Variants in NOXA1 observed in about 807,000 individuals in gnomAD.
NOXA1 encodes NADPH oxidase activator 1.
A neutral mutation model predicts 64.8 loss-of-function variants in NOXA1; 56 were observed. That is an observed-to-expected ratio of 0.86 (90% CI 0.70 to 1.08). The LOEUF (loss-of-function observed/expected upper bound fraction) is 1.08, where lower values mean the gene tolerates loss of function less well. Among genes scored for constraint, NOXA1 ranks in the 50% least tolerant of loss-of-function variants. The probability of loss-of-function intolerance (pLI) is 0.00; values close to 1 mark genes in which losing one functional copy is unlikely to be tolerated. For synonymous variants in NOXA1, 295 were observed against 294.8 expected (o/e 1.00, Z -0.01); for missense variants, 668 against 658.5 (o/e 1.01, Z -0.16).
In NOXA1 at chr9:137,428,150, G is replaced by C; in HGVS notation, c.369+9G>C. ...AGCTGCAAGCCTGGGAGGTGAGGCC[G>C]GGCAGGGCTCACTGTGCTGCTGGCT... is the stretch of plus-strand genomic sequence containing the variant. On this transcript the variant is annotated intron_variant, in intron 3 of 13. Transcript: ENST00000683555. The C allele has an allele frequency of 6.5e-7, 1 of 1,542,088 alleles. No individual in the cohort carries two copies. The highest frequency in any genetic ancestry group is 8.8e-7 in the Non-Finnish European group (1 of 1,137,812).
At position 137,423,545 on chromosome 9, in the gene NOXA1, G is replaced by A. The variant is rs914577058; in HGVS notation, c.16G>A (p.Asp6Asn). Reference sequence around the variant, plus strand: ...ACCGGCCGCCATGGCCTCTCTGGGGGACCTGGTGCGCGCCTGGCACCTGGG... The same window carrying A: ...ACCGGCCGCCATGGCCTCTCTGGGGAACCTGGTGCGCGCCTGGCACCTGGG... Reference protein sequence around the residue: MASLGDLVRAWHLGAQ... With the variant: MASLGNLVRAWHLGAQ... Residue 6 changes from aspartate (D) to asparagine (N), a missense_variant, in exon 1 of 14, where the codon GAC (aspartate) becomes AAC (asparagine). Asp to Asn is a conservative substitution (Grantham distance 23). Coordinates refer to ENST00000683555, the MANE Select transcript of NOXA1 (RefSeq NM_001256067.2). 1.4e-6 allele frequency: 2 copies of A among 1,436,670 alleles called. No individual in the cohort carries two copies. The highest frequency in any genetic ancestry group is 1.8e-6 in the Non-Finnish European group (2 of 1,092,730). The allele number at this position is 1,436,670 out of a possible 1,614,324, so 89.0% of individuals were successfully genotyped here.
intron 1 of NOXA1, among the ~76,000 whole-genome samples, chr9:137,425,641 T>C (rs1478826434): frequency 6.6e-6 from 1 of 152,194 alleles, no homozygotes; most frequent in East Asian, 1.9e-4. Context: ...CCACCTCAGC[T>C]TCCCAACATG....
rs1839267861 is a variant in NOXA1 at position 137,434,268 on chromosome 9, A to G, written c.1339A>G (p.Ile447Val). Residue 447 changes from isoleucine (I) to valine (V), a missense_variant, in exon 14 of 14, where the codon ATC becomes GTC. Coordinates refer to ENST00000683555, the MANE Select transcript of NOXA1 (RefSeq NM_001256067.2). ...GGGCCACTGTGACGGCCGCATCGGC[A>G]TCTTCCCCAAGTGCTTCGTGGTCCC... is the stretch of plus-strand genomic sequence containing the variant. ...LEGHCDGRIG[I>V]FPKCFVVPAG... 6.2e-7 allele frequency: 1 copy of G among 1,610,806 alleles called. No homozygotes were observed. The highest frequency in any genetic ancestry group is 8.5e-7 in the Non-Finnish European group (1 of 1,179,602).
In NOXA1 at chr9:137,433,255, G is replaced by C. The variant is rs769368591; in HGVS notation, c.901G>C (p.Gly301Arg). ...CCCCGGCCCCTGTGAGGACCCCGCGGGTGCTGGGGTAAGAGGCTCTAGACC... is the reference window on the plus strand; with the variant it reads ...CCCCGGCCCCTGTGAGGACCCCGCGCGTGCTGGGGTAAGAGGCTCTAGACC... Reference protein sequence around the residue: ...PGPGPCEDPAGAGGAGAGGSE... With the variant: ...PGPGPCEDPARAGGAGAGGSE... The change falls in exon 10 of 14, where the codon GGT becomes CGT. Residue 301 changes from glycine (G) to arginine (R), a missense_variant. Gly to Arg is a moderately radical substitution (Grantham distance 125, BLOSUM62 -2). Coordinates refer to ENST00000683555, the MANE Select transcript of NOXA1 (RefSeq NM_001256067.2). 52 of 1,589,690 alleles carry C rather than the reference G, an allele frequency of 3.3e-5. No homozygotes were observed. In the South Asian group the frequency reaches 5.9e-4, roughly 18 times the overall value.
At chr9:137,427,554 A>C (rs1468727237) in intron 2 of NOXA1, among the ~76,000 whole-genome samples, 1 of 152,214 alleles carries the variant, frequency 6.6e-6, no homozygotes, top group Admixed American at 6.5e-5. Context: ...TTTCTGGATT[A>C]CGATCCAGAC....
chr9:137,426,611 A>G (rs1838856267), intron 2 of NOXA1, among the ~76,000 whole-genome samples: 1 of 152,172 alleles, frequency 6.6e-6, no homozygotes, highest in African/African-American at 2.4e-5. Context: ...GGGACTGCAG[A>G]CCAGGCCATG....
intron 3 of NOXA1, among the ~76,000 whole-genome samples, chr9:137,428,462 C>A (rs1022269423): frequency 1.3e-5 from 2 of 151,734 alleles, no homozygotes; most frequent in Admixed American, 1.3e-4. Flanking sequence ...CTGCCTGGAA[C>A]GTGTTGGCAC....
At position 137,428,054 on chromosome 9, in the gene NOXA1, C is replaced by T. The variant is rs780965791; in HGVS notation, c.282C>T (p.Asp94=). 6.3e-7 allele frequency: 1 copy of T among 1,582,160 alleles called. No individual in the cohort carries two copies. Among genetic ancestry groups the T allele is most frequent in the Admixed American group, 1.8e-5 (1 of 55,292 alleles). Residue 94 remains aspartate, a synonymous_variant, in exon 3 of 14, where the codon GAC becomes GAT. Coordinates refer to ENST00000683555, the MANE Select transcript of NOXA1 (RefSeq NM_001256067.2). ...ACAGGTTCCAGGAGGCTCTGTCTGA[C>T]TTCTGGCTGGCCCTGGAGCAGCTGA... ...QLARFQEALS[D]FWLALEQLRG...
Position 137,434,220 on chromosome 9 carries a change from G to T in NOXA1, c.1295-4G>T. The stretch of plus-strand genomic sequence containing the variant: ...CCCTGCAGAGCCCGATGTCCCCCTT[G>T]CAGTGGACCAGGCATGGCTGGAGGG... On this transcript the variant is annotated splice_region_variant and splice_polypyrimidine_tract_variant and intron_variant, in intron 13 of 13. Coordinates refer to ENST00000683555, the MANE Select transcript of NOXA1 (RefSeq NM_001256067.2). 1 of 1,608,176 alleles carries T rather than the reference G, an allele frequency of 6.2e-7. No homozygotes were observed.
chr9:137,433,507 T>C lies in NOXA1; in HGVS notation c.964T>C (p.Phe322Leu). The part of the protein sequence containing the change: ...PLVTVTVQCA[F>L]TVALRARRGA... The stretch of plus-strand genomic sequence containing the variant: ...GGTGACTGTCACCGTGCAGTGCGCC[T>C]TCACAGTGGCCCTGAGGGCACGAAG... The change falls in exon 11 of 14, where the codon TTC (phenylalanine) becomes CTC (leucine). Residue 322 changes from phenylalanine (F) to leucine (L), a missense_variant. By Grantham distance (22) the Phe-to-Leu change is conservative. Transcript: ENST00000683555. The C allele has an allele frequency of 1.2e-6, 2 of 1,603,284 alleles. No individual in the cohort carries two copies. The highest frequency in any genetic ancestry group is 1.7e-6 in the Non-Finnish European group (2 of 1,178,396).
chr9:137,433,706 G>C, intron 11 of NOXA1, 44 bp from the exon 12 acceptor site: 3 of 1,482,180 alleles, frequency 2.0e-6, no homozygotes, highest in Non-Finnish European at 2.7e-6. Context: ...TGCCCTCCCT[G>C]CAGGCCCCAC....
intron 1 of NOXA1, among the ~76,000 whole-genome samples, chr9:137,424,726 C>T (rs7025807): frequency 0.24 from 36,102 of 152,198 alleles, 5,047 homozygotes; most frequent in Non-Finnish European, 0.32. Context: ...ATGTGAGCCA[C>T]CTTGTCCGGC....
chr9:137,428,799 C>T (rs11535664), intron 3 of NOXA1, 83 bp from the exon 4 acceptor site: 381,263 of 1,300,696 alleles, frequency 0.29, 56,936 homozygotes, highest in East Asian at 0.62. Context: ...GTGGGCAGAC[C>T]GAGGGAGGAG....
At chr9:137,424,932 C>T (rs1838784600) in intron 1 of NOXA1, among the ~76,000 whole-genome samples, 1 of 152,302 alleles carries the variant, frequency 6.6e-6, no homozygotes, top group South Asian at 2.1e-4. Flanking sequence ...AATATGGGAA[C>T]TTAGGAAAGC....
chr9:137,433,027 AGAGGCCC>A lies in NOXA1; in HGVS notation c.805-1_810del. On this transcript the variant is annotated splice_acceptor_variant and coding_sequence_variant, in exon 9 of 14. Coordinates refer to ENST00000683555, the MANE Select transcript of NOXA1 (RefSeq NM_001256067.2). LOFTEE classifies it high-confidence loss of function. ...CCCACCCAGCCTGTGCTTCTCTTGC[AGAGGCCC>A]CAGGTGGAGCAAGTTGGCAAACAGG... 1 of 1,612,570 alleles carries A rather than the reference AGAGGCCC, an allele frequency of 6.2e-7. No homozygotes were observed. Among genetic ancestry groups the A allele is most frequent in the Non-Finnish European group, 8.5e-7 (1 of 1,179,836 alleles).
Position 137,428,942 on chromosome 9 carries a change from A to T in NOXA1, c.430A>T (p.Ser144Cys), listed in dbSNP as rs1188771626. The T allele has an allele frequency of 3.1e-6, 5 of 1,597,886 alleles. No individual in the cohort carries two copies. Among genetic ancestry groups the T allele is most frequent in the Non-Finnish European group, 4.3e-6 (5 of 1,173,244 alleles). Reference sequence around the variant, plus strand: ...GGGGCTCTGGACAGAGGCGGCCAGCAGCCTAAGGGAGGCCATGTCCAAGTG... The same window carrying T: ...GGGGCTCTGGACAGAGGCGGCCAGCTGCCTAAGGGAGGCCATGTCCAAGTG... ...QLGLWTEAAS[S>C]LREAMSKWPE... Residue 144 changes from serine to cysteine, a missense_variant, in exon 4 of 14, where the codon AGC becomes TGC. Coordinates refer to ENST00000683555, the MANE Select transcript of NOXA1 (RefSeq NM_001256067.2).
chr9:137,431,232 C>T lies in NOXA1; in HGVS notation c.699-4C>T. 6.2e-7 allele frequency: 1 copy of T among 1,611,948 alleles called. No individual in the cohort carries two copies. Among genetic ancestry groups the T allele is most frequent in the African/African-American group, 1.3e-5 (1 of 75,050 alleles). ...GGGCCTGAGAGCCTCCCTCCTCTCC[C>T]TAGGTCCCTAATCATGGACTCCCCA... is the stretch of plus-strand genomic sequence containing the variant. On this transcript the variant is annotated splice_region_variant and splice_polypyrimidine_tract_variant and intron_variant, in intron 7 of 13. Coordinates refer to ENST00000683555, the MANE Select transcript of NOXA1 (RefSeq NM_001256067.2). This position sits in a 1 kb window ranked among gnomAD's most constrained non-coding sequence, Gnocchi z 5.6.
chr9:137,426,189 TGTGATGCTGC>T, intron 1 of NOXA1, 49 bp from the exon 2 acceptor site: 1 of 1,440,994 alleles, frequency 6.9e-7, no homozygotes, highest in Middle Eastern at 1.7e-4. Flanking sequence ...ACGCTGTATC[TGTGATGCTGC>T]GTGACCAGGT....
chr9:137,429,649 G>A (rs1006650186), intron 5 of NOXA1, among the ~76,000 whole-genome samples: 14 of 152,162 alleles, frequency 9.2e-5, no homozygotes, highest in East Asian at 1.9e-4. Flanking sequence ...GTGCCACCCC[G>A]CCCCCAGACT....
Sources: allele counts gnomAD v4.1 joint callset (sites outside exome capture counted in the v4.1 genomes callset), GRCh38; gene constraint gnomAD v4.1.1; non-coding constraint Gnocchi (gnomAD v3.1); transcripts MANE v1.5; gene names NCBI Gene and HGNC (gene_info 2026-07-23, HGNC 2026-07-21).